The following STN1 variants were observed in gnomAD, a reference collection of about 807,000 sequenced individuals.
STN1 encodes CST complex subunit STN1.
In STN1, 29 loss-of-function variants were observed where a neutral mutation model predicts 45.5. That is an observed-to-expected ratio of 0.64 (90% confidence interval 0.47 to 0.87). The LOEUF (loss-of-function observed/expected upper bound fraction) is 0.87. Among genes scored for constraint, STN1 ranks in the 40% least tolerant of loss-of-function variants. STN1 has a pLI of 0.00. For synonymous variants in STN1, 148 were observed against 159.0 expected (o/e 0.93, Z 0.52); for missense variants, 376 against 441.4 (o/e 0.85, Z 1.33).
At chr10:103,917,441 C>G (rs777813212) in intron 2 of STN1, 21 bp downstream of exon 2, 2 of 1,609,472 alleles carry the variant, frequency 1.2e-6, no homozygotes, top group Non-Finnish European at 1.7e-6. Flanking sequence ...CCAGGGCATC[C>G]CAGGGTGGCT....
At chr10:103,892,746 G>C (rs571977444) in intron 7 of STN1, among the ~76,000 whole-genome samples, 7 of 152,304 alleles carry the variant, frequency 4.6e-5, no homozygotes, top group African/African-American at 1.7e-4. Context: ...GCTGTGCAGA[G>C]ATCCACCAAG....
chr10:103,897,840 T>C (rs1417901487), intron 6 of STN1, 121 bp from the exon 7 acceptor site: 4 of 853,848 alleles, frequency 4.7e-6, no homozygotes, highest in Non-Finnish European at 7.2e-6. Flanking sequence ...GTTTTTCATA[T>C]ACAGAGTAAT....
intron 6 of STN1, 47 bp downstream of exon 6, chr10:103,898,830 G>C (rs2902639): frequency 0.48 from 774,419 of 1,605,532 alleles, 190,253 homozygotes; most frequent in Non-Finnish European, 0.5. Flanking sequence ...AGCTGCTTCA[G>C]TTTTCTGCCG....
At chr10:103,883,269 C>T (rs1013711134) in intron 9 of STN1, among the ~76,000 whole-genome samples, 1 of 152,120 alleles carries the variant, frequency 6.6e-6, no homozygotes, top group Non-Finnish European at 1.5e-5. Flanking sequence ...CGTATGCTTC[C>T]CCCTAAGTCC....
At chr10:103,914,370 A>ATTTT (rs1292355497) in intron 2 of STN1, among the ~76,000 whole-genome samples, 2 of 29,046 alleles carry the variant, frequency 6.9e-5, no homozygotes, top group African/African-American at 1.8e-4. Flanking sequence ...ATATATATAT[A>ATTTT]TATATTTTTT....
chr10:103,914,628 C>T (rs891997037), intron 2 of STN1, among the ~76,000 whole-genome samples: 4 of 151,444 alleles, frequency 2.6e-5, no homozygotes, highest in African/African-American at 7.3e-5. Flanking sequence ...GCTGGGATTA[C>T]AGGCATGAGC....
At chr10:103,895,015 A>G (rs546144471) in intron 7 of STN1, among the ~76,000 whole-genome samples, 1 of 152,344 alleles carries the variant, frequency 6.6e-6, no homozygotes, top group South Asian at 2.1e-4. Context: ...GTATGACAAC[A>G]GAAAGTGCCA....
At position 103,882,840 on chromosome 10, in the gene STN1, G is replaced by A; in HGVS notation, c.951C>T (p.His317=). ...IIQQDCQKPN[H]MEKGCHFLHI... is the part of the protein sequence containing the mutation. ...GCAGGAAGTGACAGCCCTTCTCCAT[G>A]TCTGCAGGAAAAAGGTAGGTGGCTG... Residue 317 remains histidine, a splice_region_variant and synonymous_variant, in exon 10 of 10, where the codon CAC becomes CAT. Transcript: ENST00000224950. 6.2e-7 allele frequency: 1 copy of A among 1,610,108 alleles called. No homozygotes were observed. The highest frequency in any genetic ancestry group is 8.5e-7 in the Non-Finnish European group (1 of 1,177,422).
intron 2 of STN1, among the ~76,000 whole-genome samples, chr10:103,913,103 G>A (rs940452548): frequency 2.0e-5 from 3 of 152,206 alleles, no homozygotes; most frequent in African/African-American, 7.2e-5. Context: ...TTAATAAAGA[G>A]CAAAAACACT....
chr10:103,914,485 C>T (rs1030555640), intron 2 of STN1, among the ~76,000 whole-genome samples: 1 of 148,752 alleles, frequency 6.7e-6, no homozygotes, highest in African/African-American at 2.5e-5. Flanking sequence ...AGTGATTCTC[C>T]CACCTCAGCC....
chr10:103,898,861 A>G lies in STN1; in HGVS notation c.581+16T>C, dbSNP rs376207387. On this transcript the variant is annotated intron_variant, in intron 6 of 9. Transcript: ENST00000224950. ...TGCCGTGGTCACGTGCTCAGCAGTGATAAGTCACCACTTACCTTAGTGCCT... is the reference window on the plus strand; with the variant it reads ...TGCCGTGGTCACGTGCTCAGCAGTGGTAAGTCACCACTTACCTTAGTGCCT... The G allele has an allele frequency of 1.4e-5, 23 of 1,613,268 alleles. No homozygotes were observed. The highest frequency in any genetic ancestry group is 1.7e-5 in the Admixed American group (1 of 59,984).
rs1231904752 is a variant in STN1 at position 103,898,944 on chromosome 10, T to C, written c.514A>G (p.Thr172Ala). ...TGGTCATAAACTTTCCTGTAGATAG[T>C]GGGCAGCTCAAGCATCCTTGCAATT... ...IQIARMLELP[T>A]IYRKVYDQPF... The change falls in exon 6 of 10, where the codon ACT (threonine) becomes GCT (alanine). Residue 172 changes from threonine (T) to alanine (A), a missense_variant. Thr to Ala is a moderately conservative substitution (Grantham distance 58, BLOSUM62 0). Transcript: ENST00000224950. 3 of 1,614,138 alleles carry C rather than the reference T, an allele frequency of 1.9e-6. No homozygotes were observed. Among genetic ancestry groups the C allele is most frequent in the Non-Finnish European group, 2.5e-6 (3 of 1,179,990 alleles).
chr10:103,915,388 A>T (rs972538693), intron 2 of STN1, among the ~76,000 whole-genome samples: 3 of 152,128 alleles, frequency 2.0e-5, no homozygotes, highest in African/African-American at 7.2e-5. Flanking sequence ...CCCACCCCAA[A>T]CTATCTAGGG....
chr10:103,882,603 C>T lies in STN1; in HGVS notation c.*81G>A. The T allele has an allele frequency of 7.0e-7, 1 of 1,426,852 alleles. No homozygotes were observed. Among genetic ancestry groups the T allele is most frequent in the Admixed American group, 2.1e-5 (1 of 47,662 alleles). The allele number at this position is 1,426,852 out of a possible 1,614,324, so 88.4% of individuals were successfully genotyped here. ...GTAACTGCCTCCAGACAGATAAGCC[C>T]CTGCATGATGCTGAAAGTCAGAGCC... is the stretch of plus-strand genomic sequence containing the variant. On this transcript the variant is annotated 3_prime_UTR_variant, in exon 10 of 10. Transcript: ENST00000224950.
At chr10:103,915,994 C>T (rs1843328432) in intron 2 of STN1, among the ~76,000 whole-genome samples, 1 of 152,182 alleles carries the variant, frequency 6.6e-6, no homozygotes, top group Non-Finnish European at 1.5e-5. Flanking sequence ...GTAATGCTCA[C>T]TGGCCAACCA....
At chr10:103,916,246 G>C (rs1486065396) in intron 2 of STN1, among the ~76,000 whole-genome samples, 1 of 152,204 alleles carries the variant, frequency 6.6e-6, no homozygotes, top group Non-Finnish European at 1.5e-5. Context: ...CCTACAGGTA[G>C]AGTTAAGCCC....
chr10:103,897,224 C>A (rs950322847), intron 7 of STN1, among the ~76,000 whole-genome samples: 1 of 151,888 alleles, frequency 6.6e-6, no homozygotes, highest in South Asian at 2.1e-4. Flanking sequence ...GTTAGCCAGG[C>A]GTGATGGCAC....
chr10:103,905,402 T>A (rs770570082), intron 3 of STN1, among the ~76,000 whole-genome samples: 2 of 152,236 alleles, frequency 1.3e-5, no homozygotes, highest in Non-Finnish European at 2.9e-5. Flanking sequence ...TCACTTATCC[T>A]ACCTCAAGGT....
chr10:103,914,928 C>T (rs1843319378), intron 2 of STN1, among the ~76,000 whole-genome samples: 1 of 152,186 alleles, frequency 6.6e-6, no homozygotes, highest in African/African-American at 2.4e-5. Context: ...AGTCCTCAGG[C>T]CAACTGCACT....
Sources: allele counts gnomAD v4.1 joint callset (sites outside exome capture counted in the v4.1 genomes callset), GRCh38; gene constraint gnomAD v4.1.1; transcripts MANE v1.5; gene names NCBI Gene and HGNC (gene_info 2026-07-23, HGNC 2026-07-21).